Variants in NAALADL2 observed in about 807,000 individuals in gnomAD.
NAALADL2 encodes the protein inactive N-acetylated-alpha-linked acidic dipeptidase-like protein 2.
A neutral mutation model predicts 87.2 loss-of-function variants in NAALADL2; 76 were observed. That is an observed-to-expected ratio of 0.87 (90% CI 0.72 to 1.05). The LOEUF (loss-of-function observed/expected upper bound fraction) is 1.05, where lower values mean the gene tolerates loss of function less well. Among genes scored for constraint, NAALADL2 ranks in the 50% least tolerant of loss-of-function variants. NAALADL2 has a pLI of 0.00. For missense variants in NAALADL2, 1,089 were observed against 945.8 expected (o/e 1.15, Z -1.99); for synonymous variants, 354 against 331.0 (o/e 1.07, Z -0.75).
intron 1 of NAALADL2, among the ~76,000 whole-genome samples, chr3:174,990,497 T>A (rs1746580960): frequency 1.3e-5 from 2 of 152,104 alleles, no homozygotes; most frequent in Non-Finnish European, 2.9e-5. Context: ...TTTATAGAAG[T>A]TCTATAAAAC....
At chr3:175,402,172 G>A (rs1331309057) in intron 5 of NAALADL2, among the ~76,000 whole-genome samples, 1 of 151,994 alleles carries the variant, frequency 6.6e-6, no homozygotes. Context: ...GGCACTGAAT[G>A]GGAACCAGTT....
At chr3:175,035,433 C>A (rs1283754327) in intron 1 of NAALADL2, among the ~76,000 whole-genome samples, 1 of 152,008 alleles carries the variant, frequency 6.6e-6, no homozygotes, top group Non-Finnish European at 1.5e-5. Flanking sequence ...TAAGATAAGA[C>A]CAAATGTGGA....
intron 2 of NAALADL2, among the ~76,000 whole-genome samples, chr3:174,621,105 A>T (rs1015161712): frequency 6.6e-6 from 1 of 152,050 alleles, no homozygotes; most frequent in African/African-American, 2.4e-5. Flanking sequence ...TGTAAATCTG[A>T]GGGAGAGATG....
intron 1 of NAALADL2, among the ~76,000 whole-genome samples, chr3:175,090,088 T>C (rs1392911555): frequency 6.6e-6 from 1 of 152,042 alleles, no homozygotes; most frequent in Non-Finnish European, 1.5e-5. Context: ...CAGTAAATAC[T>C]TCTAGAAACA....
At chr3:175,097,690 T>C (rs966318546) in intron 2 of NAALADL2, among the ~76,000 whole-genome samples, 2 of 152,132 alleles carry the variant, frequency 1.3e-5, no homozygotes, top group African/African-American at 2.4e-5. Context: ...ACCTGCTTTA[T>C]GGGCTGAAGT....
chr3:175,393,082 G>A (rs1241086277), intron 5 of NAALADL2, among the ~76,000 whole-genome samples: 2 of 151,678 alleles, frequency 1.3e-5, no homozygotes, highest in African/African-American at 4.9e-5. Context: ...AGACCATCCT[G>A]GCTAACAAGG....
chr3:175,311,072 C>A (rs886679638), intron 4 of NAALADL2, among the ~76,000 whole-genome samples: 5 of 151,952 alleles, frequency 3.3e-5, no homozygotes, highest in Non-Finnish European at 4.4e-5. Flanking sequence ...TTATTCTTTT[C>A]ACTTCATAAA....
At chr3:174,515,573 CA>C (rs752954386) in intron 1 of NAALADL2, among the ~76,000 whole-genome samples, 2 of 151,534 alleles carry the variant, frequency 1.3e-5, no homozygotes, top group Non-Finnish European at 2.9e-5. Context: ...TTTAGTATAT[CA>C]GGTACTATAT....
At chr3:175,390,459 A>G (rs371113082) in intron 5 of NAALADL2, among the ~76,000 whole-genome samples, 2 of 152,340 alleles carry the variant, frequency 1.3e-5, no homozygotes, top group African/African-American at 4.8e-5. Context: ...TACCGTGTAC[A>G]TAATTCACAA....
intron 2 of NAALADL2, among the ~76,000 whole-genome samples, chr3:174,668,857 T>G (rs1203606220): frequency 1.3e-5 from 2 of 152,220 alleles, no homozygotes. Flanking sequence ...GTCTTTGCTA[T>G]TATGAATAGT....
intron 4 of NAALADL2, among the ~76,000 whole-genome samples, chr3:175,263,446 C>G (rs1751421316): frequency 6.6e-6 from 1 of 151,806 alleles, no homozygotes; most frequent in African/African-American, 2.4e-5. Context: ...CAAAGTCTGT[C>G]AAGAATTGAA....
chr3:174,787,479 C>T (rs946823943), intron 3 of NAALADL2, among the ~76,000 whole-genome samples: 10 of 147,432 alleles, frequency 6.8e-5, no homozygotes, highest in African/African-American at 2.2e-4. Flanking sequence ...ACAGGATTTG[C>T]CAGGAATAAG....
At chr3:175,118,679 A>G (rs1725667455) in intron 2 of NAALADL2, among the ~76,000 whole-genome samples, 1 of 151,814 alleles carries the variant, frequency 6.6e-6, no homozygotes, top group Non-Finnish European at 1.5e-5. Flanking sequence ...GCAAGTTATA[A>G]AAATCTGCAA....
At chr3:175,163,777 C>T (rs375398135) in intron 2 of NAALADL2, among the ~76,000 whole-genome samples, 109 of 152,214 alleles carry the variant, frequency 7.2e-4, no homozygotes, top group Admixed American at 1.6e-3. Context: ...TTCATTGCAC[C>T]TTTTGGTTTG....
intron 2 of NAALADL2, among the ~76,000 whole-genome samples, chr3:174,602,523 G>A (rs911800276): frequency 6.6e-6 from 1 of 150,926 alleles, no homozygotes; most frequent in Admixed American, 6.6e-5. Context: ...GGAGTCTGTA[G>A]GTTTTTCCAA....
intron 4 of NAALADL2, among the ~76,000 whole-genome samples, chr3:175,280,972 C>T (rs1204291747): frequency 3.3e-5 from 5 of 151,860 alleles, no homozygotes; most frequent in Non-Finnish European, 7.4e-5. Flanking sequence ...GAGCTCTGGG[C>T]CCACACCAAC....
chr3:175,150,759 T>C (rs1560093366), intron 2 of NAALADL2, among the ~76,000 whole-genome samples: 2 of 152,204 alleles, frequency 1.3e-5, no homozygotes, highest in South Asian at 4.1e-4. Context: ...CTACCATTCA[T>C]TGATTTATAC....
At chr3:175,756,580 T>C (rs986381238) in intron 13 of NAALADL2, among the ~76,000 whole-genome samples, 10 of 151,954 alleles carry the variant, frequency 6.6e-5, no homozygotes, top group African/African-American at 2.4e-4. Context: ...AAACAGAAAA[T>C]CAAATACCGC....
At chr3:175,190,444 T>G (rs182101515) in intron 2 of NAALADL2, among the ~76,000 whole-genome samples, 24 of 152,044 alleles carry the variant, frequency 1.6e-4, no homozygotes, top group African/African-American at 5.3e-4. Context: ...AATGAAAAGG[T>G]GCTTAGCATC....
Sources: allele counts gnomAD v4.1 joint callset (sites outside exome capture counted in the v4.1 genomes callset), GRCh38; gene constraint gnomAD v4.1.1; transcripts MANE v1.5; gene names NCBI Gene and HGNC (gene_info 2026-07-23, HGNC 2026-07-21).